The following SHISAL1 variants were observed in gnomAD, a reference collection of about 807,000 sequenced individuals.
The protein encoded by SHISAL1 is shisa like 1.
In SHISAL1, 9 loss-of-function variants were observed where a neutral mutation model predicts 22.6. The observed-to-expected ratio is 0.40, with a 90% confidence interval of 0.24 to 0.70. The LOEUF (loss-of-function observed/expected upper bound fraction) is 0.70. Among genes scored for constraint, SHISAL1 ranks in the 30% least tolerant of loss-of-function variants. The probability of loss-of-function intolerance (pLI) is 0.39; values close to 1 mark genes in which losing one functional copy is unlikely to be tolerated. For missense variants in SHISAL1, 246 were observed against 270.6 expected (o/e 0.91, Z 0.64); for synonymous variants, 119 against 115.4 (o/e 1.03, Z -0.20).
intron 4 of SHISAL1, among the ~76,000 whole-genome samples, chr22:44,271,215 G>A (rs2055203678): frequency 6.6e-6 from 1 of 152,114 alleles, no homozygotes; most frequent in South Asian, 2.1e-4. Flanking sequence ...ACACAGCTGG[G>A]CAGCACAGAG....
chr22:44,274,538 T>C (rs1361405124), intron 4 of SHISAL1, among the ~76,000 whole-genome samples: 1 of 152,176 alleles, frequency 6.6e-6, no homozygotes, highest in Admixed American at 6.5e-5. Flanking sequence ...ATTGGTGTTA[T>C]TTATCATCGT....
chr22:44,307,396 A>C (rs1279071412), intron 1 of SHISAL1, among the ~76,000 whole-genome samples: 1 of 152,186 alleles, frequency 6.6e-6, no homozygotes, highest in Non-Finnish European at 1.5e-5. Flanking sequence ...GCCCAAGGTC[A>C]CACAGCCACT....
Position 44,245,407 on chromosome 22 carries a change from T to G in SHISAL1, c.*4278A>C, listed in dbSNP as rs975514515. 2.6e-5 allele frequency: 4 copies of G among 152,296 alleles called. No individual in the cohort carries two copies. The highest frequency in any genetic ancestry group is 9.6e-5 in the African/African-American group (4 of 41,466). The allele number at this position is 152,296 out of a possible 1,614,324, so 9.4% of individuals were successfully genotyped here. ...TCAGCTCACTGCAAGCTCTGCCTTC[T>G]GGGTTCATGTTATGTTAATTTCAAA... On this transcript the variant is annotated 3_prime_UTR_variant, in exon 5 of 5. Coordinates refer to ENST00000381176, the MANE Select transcript of SHISAL1 (RefSeq NM_001099294.2).
intron 1 of SHISAL1, among the ~76,000 whole-genome samples, chr22:44,305,285 A>G (rs1320946142): frequency 6.6e-6 from 1 of 152,212 alleles, no homozygotes; most frequent in Non-Finnish European, 1.5e-5. Context: ...GGCTCTAGGA[A>G]CACAGAAGAG....
intron 4 of SHISAL1, among the ~76,000 whole-genome samples, chr22:44,267,263 C>T (rs946815510): frequency 2.0e-5 from 3 of 152,128 alleles, no homozygotes; most frequent in African/African-American, 7.2e-5. Context: ...AGGCCCATTG[C>T]AGTGGTCTCT....
intron 4 of SHISAL1, among the ~76,000 whole-genome samples, chr22:44,262,176 A>G (rs2055129526): frequency 6.6e-6 from 1 of 152,230 alleles, no homozygotes; most frequent in Non-Finnish European, 1.5e-5. Context: ...GCAGCCACAG[A>G]GCTGGGCCCT....
In SHISAL1 at chr22:44,285,574, G is replaced by T; in HGVS notation, c.453C>A (p.Asn151Lys). ...WMKQDPRRWGNPARAPRPGQR... is the reference protein window; with the variant it reads ...WMKQDPRRWGKPARAPRPGQR... The stretch of plus-strand genomic sequence containing the variant: ...GACCCGGCCGAGGGGCCCGAGCGGG[G>T]TTCCCCCACCGCCGGGGGTCCTGTT... Residue 151 changes from asparagine to lysine, a missense_variant, in exon 4 of 5, where the codon AAC becomes AAA. This residue lies in a region of SHISAL1 where 136 missense variants were observed against 117.5 expected (regional missense o/e 1.16). Transcript: ENST00000381176. The T allele has an allele frequency of 1.2e-6, 2 of 1,613,808 alleles. No individual in the cohort carries two copies. The highest frequency in any genetic ancestry group is 1.7e-6 in the Non-Finnish European group (2 of 1,179,712).
intron 1 of SHISAL1, among the ~76,000 whole-genome samples, chr22:44,303,166 T>C (rs1299102116): frequency 1.3e-5 from 2 of 152,022 alleles, no homozygotes; most frequent in Admixed American, 1.3e-4. Flanking sequence ...TGGGAGTTGA[T>C]TTGCTGAGCA....
chr22:44,313,769 C>T (rs910268291), upstream of SHISAL1, among the ~76,000 whole-genome samples: 8 of 152,214 alleles, frequency 5.3e-5, no homozygotes, highest in African/African-American at 1.7e-4. Flanking sequence ...GGCATTTAAA[C>T]GCAGCCATAA....
intron 1 of SHISAL1, among the ~76,000 whole-genome samples, chr22:44,308,100 C>T (rs2055492149): frequency 1.3e-5 from 2 of 152,238 alleles, no homozygotes; most frequent in African/African-American, 4.8e-5. Flanking sequence ...GTCCTGGCTC[C>T]ACCTTCTGTA....
At chr22:44,289,496 T>TGTGTGTGTGTGTGTGTG (rs768987294) in intron 3 of SHISAL1, among the ~76,000 whole-genome samples, 2,556 of 137,784 alleles carry the variant, frequency 0.019, 109 homozygotes, top group Admixed American at 0.098. Context: ...GTGTGTGTGT[T>TGTGTGTGTGTGTGTGTG]TACTGCCGGG....
rs769617215 is a variant in SHISAL1, at chr22:44,300,954, T to C, written c.-9A>G. 6 of 1,613,856 alleles carry C rather than the reference T, an allele frequency of 3.7e-6. No homozygotes were observed. The highest frequency in any genetic ancestry group is 4.2e-6 in the Non-Finnish European group (5 of 1,179,854). ...TGGCCACAACTGGTCATCGTCTGGC[T>C]TGCATTGATCCGTCCAGAGCTGCCT... On this transcript the variant is annotated 5_prime_UTR_variant, in exon 2 of 5. Coordinates refer to ENST00000381176, the MANE Select transcript of SHISAL1 (RefSeq NM_001099294.2).
intron 4 of SHISAL1, among the ~76,000 whole-genome samples, chr22:44,279,627 TG>T (rs1473891114): frequency 6.6e-6 from 1 of 152,076 alleles, no homozygotes; most frequent in Non-Finnish European, 1.5e-5. Flanking sequence ...GAGAATAAGG[TG>T]AGAAACGGTG....
chr22:44,244,711 A>C lies in SHISAL1; in HGVS notation c.*4974T>G, dbSNP rs1308810317. 6.6e-6 allele frequency: 1 copy of C among 152,208 alleles called. No homozygotes were observed. Among genetic ancestry groups the C allele is most frequent in the East Asian group, 1.9e-4 (1 of 5,190 alleles). 9.4% of individuals were successfully genotyped at this position (152,208 alleles called of 1,614,324 possible). ...TTTCACAAGTGGTCCCAGCTATAGC[A>C]GGAATGGCTCCCAGATGGGCCCTGG... is the stretch of plus-strand genomic sequence containing the variant. On this transcript the variant is annotated 3_prime_UTR_variant, in exon 5 of 5. Coordinates refer to ENST00000381176, the MANE Select transcript of SHISAL1 (RefSeq NM_001099294.2).
intron 4 of SHISAL1, among the ~76,000 whole-genome samples, chr22:44,270,357 G>A (rs1033421611): frequency 3.3e-5 from 5 of 152,172 alleles, no homozygotes; most frequent in African/African-American, 1.2e-4. Flanking sequence ...GACACATCTG[G>A]GCTCAAGGCC....
chr22:44,258,313 A>G (rs1380674769), intron 4 of SHISAL1, among the ~76,000 whole-genome samples: 3 of 133,898 alleles, frequency 2.2e-5, no homozygotes, highest in Admixed American at 7.4e-5. Context: ...TCTCAAAAAC[A>G]AACAAACTTT....
At chr22:44,263,512 C>CA in intron 4 of SHISAL1, among the ~76,000 whole-genome samples, 1 of 152,344 alleles carries the variant, frequency 6.6e-6, no homozygotes, top group Middle Eastern at 3.4e-3. Flanking sequence ...TCCCAAGGAA[C>CA]ACTGCCTCAA....
chr22:44,304,751 A>G (rs1482432846), intron 1 of SHISAL1, among the ~76,000 whole-genome samples: 1 of 152,044 alleles, frequency 6.6e-6, no homozygotes, highest in African/African-American at 2.4e-5. Flanking sequence ...GGGAGTGGAG[A>G]GTGACGGGAC....
rs1380797461 is a variant in SHISAL1, at chr22:44,247,554, T to C, written c.*2131A>G. ...CCATATGCCTGGACACTGGCAGCACTGCCTGGAGGAGACAGCTGGACCCAA... is the reference window on the plus strand; with the variant it reads ...CCATATGCCTGGACACTGGCAGCACCGCCTGGAGGAGACAGCTGGACCCAA... On this transcript the variant is annotated 3_prime_UTR_variant, in exon 5 of 5. Coordinates refer to ENST00000381176, the MANE Select transcript of SHISAL1 (RefSeq NM_001099294.2). 8 of 152,380 alleles carry C rather than the reference T, an allele frequency of 5.3e-5. No individual in the cohort carries two copies. The highest frequency in any genetic ancestry group is 1.9e-4 in the African/African-American group (8 of 41,472). 9.4% of individuals were successfully genotyped at this position (152,380 alleles called of 1,614,324 possible).
Sources: gnomAD v4.1 joint callset for allele counts (sites outside exome capture counted in the v4.1 genomes callset) on GRCh38, gnomAD v4.1.1 for gene constraint, gnomAD v4.1.1 regional missense constraint, MANE v1.5 for transcripts, NCBI Gene and HGNC (gene_info 2026-07-23, HGNC 2026-07-21) for gene names.